Variants in KCNQ5 observed in about 807,000 individuals in gnomAD.
The protein encoded by KCNQ5 is potassium voltage-gated channel subfamily KQT member 5.
KCNQ5 carries 30 observed loss-of-function variants against 98.2 expected under a neutral mutation model. That is an observed-to-expected ratio of 0.31 (90% CI 0.23 to 0.41). KCNQ5 has a LOEUF of 0.41. Among genes scored for constraint, KCNQ5 ranks in the 10% least tolerant of loss-of-function variants. KCNQ5 has a pLI of 1.00. For synonymous variants in KCNQ5, 458 were observed against 449.4 expected, an observed-to-expected ratio of 1.02 and a Z score of -0.24; for missense variants, 835 against 1,182.5, an observed-to-expected ratio of 0.71 and a Z score of 4.31.
At chr6:73,080,526 T>A (rs1368789459) in intron 5 of KCNQ5, among the ~76,000 whole-genome samples, 1 of 152,108 alleles carries the variant, frequency 6.6e-6, no homozygotes, top group Non-Finnish European at 1.5e-5. Context: ...AGATTCCTAG[T>A]GGGAAATAAA....
intron 5 of KCNQ5, among the ~76,000 whole-genome samples, chr6:73,097,927 A>G (rs897021675): frequency 6.6e-6 from 1 of 152,176 alleles, no homozygotes; most frequent in Non-Finnish European, 1.5e-5. Context: ...ACAAGCCCAG[A>G]TTACAAAGAC....
intron 5 of KCNQ5, among the ~76,000 whole-genome samples, chr6:73,078,885 GAAAC>G (rs2150392923): frequency 6.6e-6 from 1 of 152,330 alleles, no homozygotes; most frequent in South Asian, 2.1e-4. Context: ...AAGAATTTAT[GAAAC>G]AGTCATTGGA....
At chr6:72,686,408 C>T (rs1254060721) in intron 1 of KCNQ5, among the ~76,000 whole-genome samples, 4 of 152,160 alleles carry the variant, frequency 2.6e-5, no homozygotes, top group Admixed American at 1.3e-4. Context: ...GGCTGATGAA[C>T]ATTTCATATG....
At chr6:73,030,393 A>G (rs1582221045) in intron 2 of KCNQ5, among the ~76,000 whole-genome samples, 1 of 152,182 alleles carries the variant, frequency 6.6e-6, no homozygotes, top group East Asian at 1.9e-4. Context: ...CAAGTTCTGA[A>G]AGCAAGTGAG....
chr6:72,820,843 A>G lies in KCNQ5; in HGVS notation c.399-183065A>G, dbSNP rs564453239. Among the ~76,000 whole-genome samples the G allele has an allele frequency of 1.2e-4, 18 of 152,358 alleles. 1 individual carries two copies. The South Asian group carries it at 2.5e-3, about 21-fold the overall frequency. Reference sequence around the variant, plus strand: ...GGTGTTTATGAATTTAGGATTTTACAGAAGTATTATAAGAGTTGTCATTTT... The same window carrying G: ...GGTGTTTATGAATTTAGGATTTTACGGAAGTATTATAAGAGTTGTCATTTT... On this transcript the variant is annotated intron_variant, in intron 1 of 13. Coordinates refer to ENST00000370398, the MANE Select transcript of KCNQ5 (RefSeq NM_019842.4).
intron 1 of KCNQ5, among the ~76,000 whole-genome samples, chr6:72,639,062 C>T (rs779628432): frequency 6.6e-6 from 1 of 152,122 alleles, no homozygotes; most frequent in Non-Finnish European, 1.5e-5. Context: ...GACATGTGGC[C>T]TGTTTGGGCT....
chr6:72,898,229 T>A (rs1779328954), intron 1 of KCNQ5, among the ~76,000 whole-genome samples: 1 of 152,160 alleles, frequency 6.6e-6, no homozygotes, highest in African/African-American at 2.4e-5. Flanking sequence ...GGTATATGTG[T>A]GCCATGGTGG....
At chr6:73,058,295 C>A (rs1277148022) in intron 3 of KCNQ5, among the ~76,000 whole-genome samples, 1 of 152,048 alleles carries the variant, frequency 6.6e-6, no homozygotes. Context: ...ACCTGTAGTC[C>A]CAGCTACTCG....
At chr6:73,183,874 C>T (rs1778483172) in intron 11 of KCNQ5, among the ~76,000 whole-genome samples, 1 of 152,168 alleles carries the variant, frequency 6.6e-6, no homozygotes, top group East Asian at 1.9e-4. Flanking sequence ...ATCCCTCACA[C>T]CTGGTCCTGC....
intron 2 of KCNQ5, among the ~76,000 whole-genome samples, chr6:73,011,031 G>C (rs894624676): frequency 6.6e-6 from 1 of 151,936 alleles, no homozygotes; most frequent in Non-Finnish European, 1.5e-5. Context: ...AATTCATATA[G>C]AATTTTAAAG....
At chr6:72,738,286 G>T (rs1770955055) in intron 1 of KCNQ5, among the ~76,000 whole-genome samples, 1 of 152,112 alleles carries the variant, frequency 6.6e-6, no homozygotes, top group African/African-American at 2.4e-5. Context: ...ATTCAAAACA[G>T]CCTCAGGCCC....
At chr6:72,755,022 C>A (rs1474586713) in intron 1 of KCNQ5, among the ~76,000 whole-genome samples, 2 of 151,228 alleles carry the variant, frequency 1.3e-5, no homozygotes, top group Non-Finnish European at 3.0e-5. Flanking sequence ...TTATGAAGTT[C>A]TGTTGTTAAA....
intron 1 of KCNQ5, among the ~76,000 whole-genome samples, chr6:72,673,995 T>G (rs1296509565): frequency 6.6e-6 from 1 of 152,208 alleles, no homozygotes; most frequent in Non-Finnish European, 1.5e-5. Context: ...TCAACCAGTA[T>G]TAGTATAATA....
intron 2 of KCNQ5, among the ~76,000 whole-genome samples, chr6:73,004,699 A>T (rs1769739553): frequency 6.6e-6 from 1 of 152,206 alleles, no homozygotes; most frequent in African/African-American, 2.4e-5. Context: ...CTCTAATCAC[A>T]TCTGATTGAA....
intron 1 of KCNQ5, among the ~76,000 whole-genome samples, chr6:72,635,083 G>A (rs1334188201): frequency 6.7e-6 from 1 of 149,464 alleles, no homozygotes; most frequent in African/African-American, 2.5e-5. Flanking sequence ...CTAGAGTGCA[G>A]TTGTACAATC....
At chr6:73,188,965 A>AG (rs199548243) in intron 11 of KCNQ5, among the ~76,000 whole-genome samples, 4,215 of 143,500 alleles carry the variant, frequency 0.029, 83 homozygotes, top group East Asian at 0.067. Flanking sequence ...CCTGGGTGAA[A>AG]GGGCGAGACT....
chr6:72,726,189 A>G (rs77056628), intron 1 of KCNQ5, among the ~76,000 whole-genome samples: 1 of 151,580 alleles, frequency 6.6e-6, no homozygotes, highest in Non-Finnish European at 1.5e-5. Flanking sequence ...ATAGATAAAA[A>G]TCTGTTTTTT....
intron 1 of KCNQ5, among the ~76,000 whole-genome samples, chr6:72,697,049 C>T (rs925787145): frequency 6.6e-6 from 1 of 152,086 alleles, no homozygotes; most frequent in African/African-American, 2.4e-5. Context: ...TGTTCATCAC[C>T]GTGAAGTTGA....
intron 11 of KCNQ5, 126 bp downstream of exon 11, chr6:73,169,980 C>CAT: frequency 1.5e-6 from 1 of 668,348 alleles, no homozygotes; most frequent in Non-Finnish European, 2.7e-6. Flanking sequence ...CCTATTCATC[C>CAT]ATATGCCTAT....
Sources: allele counts gnomAD v4.1 joint callset (sites outside exome capture counted in the v4.1 genomes callset), GRCh38; gene constraint gnomAD v4.1.1; transcripts MANE v1.5; gene names NCBI Gene and HGNC (gene_info 2026-07-23, HGNC 2026-07-21).